The following ADGRB3 variants were observed in gnomAD, a reference collection of about 807,000 sequenced individuals.
ADGRB3 encodes adhesion G protein-coupled receptor B3.
In ADGRB3, 37 loss-of-function variants were observed where a neutral mutation model predicts 193.4. The observed-to-expected ratio is 0.19, with a 90% CI of 0.15 to 0.25. ADGRB3 has a LOEUF of 0.25. Ranked by LOEUF, ADGRB3 falls within the 10% of genes least tolerant of loss-of-function variation. The pLI is 1.00. For synonymous variants in ADGRB3, 690 were observed against 644.2 expected (o/e 1.07, Z -1.08); for missense variants, 1,637 against 1,852.9 (o/e 0.88, Z 2.14).
intron 3 of ADGRB3, among the ~76,000 whole-genome samples, chr6:68,785,256 T>C (rs1766940898): frequency 6.6e-6 from 1 of 151,734 alleles, no homozygotes; most frequent in African/African-American, 2.4e-5. Flanking sequence ...GCTGCACCCA[T>C]TAACTCGTCA....
intron 20 of ADGRB3, among the ~76,000 whole-genome samples, chr6:69,284,719 A>G (rs1003563413): frequency 6.6e-6 from 1 of 152,162 alleles, no homozygotes; most frequent in Non-Finnish European, 1.5e-5. Flanking sequence ...TTAACCTGAC[A>G]ATTGACTGAA....
chr6:68,892,102 C>G (rs1562074240), intron 3 of ADGRB3, among the ~76,000 whole-genome samples: 1 of 152,160 alleles, frequency 6.6e-6, no homozygotes, highest in Admixed American at 6.5e-5. Context: ...CAGCTAGTGG[C>G]TACAGAATTG....
At chr6:69,107,380 A>G (rs901603230) in intron 17 of ADGRB3, among the ~76,000 whole-genome samples, 2 of 152,252 alleles carry the variant, frequency 1.3e-5, no homozygotes, top group East Asian at 1.9e-4. Context: ...ACTAAAATAC[A>G]TGAAAATCAT....
intron 20 of ADGRB3, among the ~76,000 whole-genome samples, chr6:69,283,066 ATGAT>A (rs1205678174): frequency 6.6e-6 from 1 of 152,222 alleles, no homozygotes; most frequent in African/African-American, 2.4e-5. Flanking sequence ...AATTTACAGA[ATGAT>A]TGTGAGCAGT....
chr6:69,146,196 C>T lies in ADGRB3; in HGVS notation c.2480+70158C>T, dbSNP rs541817047. On this transcript the variant is annotated intron_variant, in intron 17 of 31. Transcript: ENST00000370598. Reference sequence around the variant, plus strand: ...CTCCCCTCAGCTTTACCCCCATGCTCATCAGCACCCAAAGTCTGGAGGGGT... The same window carrying T: ...CTCCCCTCAGCTTTACCCCCATGCTTATCAGCACCCAAAGTCTGGAGGGGT... Among the ~76,000 whole-genome samples, 23 of 152,280 alleles carry T rather than the reference C, an allele frequency of 1.5e-4. No homozygotes were observed. The East Asian group carries it at 3.7e-3, about 24-fold the overall frequency.
chr6:68,900,069 T>C (rs13199576), intron 3 of ADGRB3, among the ~76,000 whole-genome samples: 1 of 151,874 alleles, frequency 6.6e-6, no homozygotes, highest in Non-Finnish European at 1.5e-5. Flanking sequence ...TACACAGTAG[T>C]TTCTCAGTAA....
chr6:68,781,684 G>A (rs1388408410), intron 3 of ADGRB3, among the ~76,000 whole-genome samples: 1 of 152,034 alleles, frequency 6.6e-6, no homozygotes, highest in Non-Finnish European at 1.5e-5. Flanking sequence ...ACAGGCAGGG[G>A]AGGGTGAGGC....
At chr6:69,114,135 A>G (rs894686580) in intron 17 of ADGRB3, among the ~76,000 whole-genome samples, 1 of 152,256 alleles carries the variant, frequency 6.6e-6, no homozygotes, top group South Asian at 2.1e-4. Flanking sequence ...ACCCTATCCC[A>G]GACATGTCCT....
At chr6:68,824,407 A>G (rs1330889511) in intron 3 of ADGRB3, among the ~76,000 whole-genome samples, 1 of 150,348 alleles carries the variant, frequency 6.7e-6, no homozygotes, top group East Asian at 1.9e-4. Flanking sequence ...TTACATAAAT[A>G]TATAATGTAT....
At chr6:69,156,314 T>C (rs910586139) in intron 17 of ADGRB3, among the ~76,000 whole-genome samples, 2 of 152,172 alleles carry the variant, frequency 1.3e-5, no homozygotes, top group Non-Finnish European at 2.9e-5. Flanking sequence ...TCAGAGGCCC[T>C]GTGTTAGACA....
intron 13 of ADGRB3, among the ~76,000 whole-genome samples, chr6:69,019,739 C>T (rs1186764915): frequency 6.6e-6 from 1 of 151,950 alleles, no homozygotes; most frequent in Non-Finnish European, 1.5e-5. Flanking sequence ...AGGGCCCACA[C>T]TTTTCTCCAG....
At chr6:69,010,776 A>C (rs1357881764) in intron 11 of ADGRB3, among the ~76,000 whole-genome samples, 1 of 17,376 alleles carries the variant, frequency 5.8e-5, no homozygotes, top group East Asian at 2.4e-4. Flanking sequence ...GGCTGACTAA[A>C]AAAAAAAAAA....
chr6:68,840,796 G>A (rs491998), intron 3 of ADGRB3, among the ~76,000 whole-genome samples: 132,814 of 152,112 alleles, frequency 0.87, 58,249 homozygotes, highest in Middle Eastern at 0.95. Flanking sequence ...CTCTCCAATC[G>A]AAAGACATAG....
At chr6:68,866,390 T>C (rs1306592401) in intron 3 of ADGRB3, among the ~76,000 whole-genome samples, 1 of 152,216 alleles carries the variant, frequency 6.6e-6, no homozygotes. Context: ...CCATGATTGC[T>C]AGTTTCCTGA....
chr6:69,048,111 T>C (rs1300530623), intron 13 of ADGRB3, 74 bp from the exon 14 acceptor site: 5 of 1,440,898 alleles, frequency 3.5e-6, no homozygotes, highest in Non-Finnish European at 4.7e-6. Flanking sequence ...TACTGCAAGA[T>C]TTACCTTGAT....
At chr6:69,177,086 G>A (rs191908434) in intron 17 of ADGRB3, among the ~76,000 whole-genome samples, 2 of 152,168 alleles carry the variant, frequency 1.3e-5, no homozygotes, top group East Asian at 1.9e-4. Context: ...TTTTGGTTTT[G>A]TTGATTTGTT....
intron 3 of ADGRB3, among the ~76,000 whole-genome samples, chr6:68,861,301 C>T (rs978549113): frequency 4.6e-5 from 7 of 152,098 alleles, no homozygotes; most frequent in Non-Finnish European, 8.8e-5. Flanking sequence ...TGGGAGGGCA[C>T]GGTGGCTCAC....
At chr6:68,998,206 T>G (rs1055230705) in intron 11 of ADGRB3, among the ~76,000 whole-genome samples, 1 of 152,230 alleles carries the variant, frequency 6.6e-6, no homozygotes, top group African/African-American at 2.4e-5. Context: ...TTCACCTTAC[T>G]GAGGGACAGC....
At chr6:68,666,737 T>G (rs1368880474) in intron 3 of ADGRB3, among the ~76,000 whole-genome samples, 1 of 151,984 alleles carries the variant, frequency 6.6e-6, no homozygotes, top group Non-Finnish European at 1.5e-5. Context: ...TTTTGAAAAC[T>G]TATTAATGTC....
Sources: allele counts gnomAD v4.1 joint callset (sites outside exome capture counted in the v4.1 genomes callset), GRCh38; gene constraint gnomAD v4.1.1; transcripts MANE v1.5; gene names NCBI Gene and HGNC (gene_info 2026-07-23, HGNC 2026-07-21).